UGT1A6: variants seen among roughly 807,000 people sequenced by gnomAD.
The protein encoded by UGT1A6 is UDP glucuronosyltransferase family 1 member A6.
In UGT1A6, 32 loss-of-function variants were observed where a neutral mutation model predicts 44.4. The ratio of observed to expected loss-of-function variants is 0.72; its 90% CI spans 0.54 to 0.97. The LOEUF is 0.97. Among genes scored for constraint, UGT1A6 ranks in the 50% least tolerant of loss-of-function variants. The pLI is 0.00. For missense variants in UGT1A6, 685 were observed against 661.9 expected (o/e 1.03, Z -0.38); for synonymous variants, 238 against 248.5 (o/e 0.96, Z 0.40).
At chr2:233,729,286 A>G (rs751108537) in intron 1 of UGT1A6, 2 of 1,614,248 alleles carry the variant, frequency 1.2e-6, no homozygotes, top group Non-Finnish European at 1.7e-6. Context: ...GCTCCATGCC[A>G]GAGGCCACCA....
intron 1 of UGT1A6, chr2:233,750,470 T>A (rs1412262508): frequency 6.6e-6 from 1 of 151,972 alleles, no homozygotes; most frequent in Non-Finnish European, 1.5e-5. Context: ...AAATACTGGC[T>A]ATAGAAATTT....
At chr2:233,722,921 C>G (rs1255779754) in intron 1 of UGT1A6, among the ~76,000 whole-genome samples, 1 of 128,932 alleles carries the variant, frequency 7.8e-6, no homozygotes, top group African/African-American at 2.9e-5. Flanking sequence ...GGTCTTCATC[C>G]TCATTGTCTC....
At chr2:233,724,459 C>T (rs1289269804) in intron 1 of UGT1A6, among the ~76,000 whole-genome samples, 3 of 125,990 alleles carry the variant, frequency 2.4e-5, no homozygotes, top group Non-Finnish European at 3.3e-5. Flanking sequence ...AGCTGCCGGG[C>T]GGAGGGGCTC....
At chr2:233,746,103 G>C (rs1465134401) in intron 1 of UGT1A6, among the ~76,000 whole-genome samples, 1 of 151,806 alleles carries the variant, frequency 6.6e-6, no homozygotes, top group Non-Finnish European at 1.5e-5. Flanking sequence ...CATGTCCAGA[G>C]TGCTTACTGT....
At chr2:233,730,125 A>G (rs2077990033) in intron 1 of UGT1A6, 5 of 1,544,888 alleles carry the variant, frequency 3.2e-6, no homozygotes, top group Non-Finnish European at 4.4e-6. Flanking sequence ...TTGTCATAAT[A>G]GCCTTCAGTG....
intron 1 of UGT1A6, chr2:233,754,501 CT>C (rs1695497975): frequency 2.8e-6 from 1 of 356,918 alleles, no homozygotes; most frequent in Non-Finnish European, 5.6e-6. Context: ...AAAAAGTCCG[CT>C]ATTCCTCCAG....
chr2:233,749,216 C>G lies in UGT1A6; in HGVS notation c.862-17818C>G, dbSNP rs1401762551. ...AACATAGGTATTATTGCCAAACACT[C>G]TAAGCTTCATTTTTTAAAATCAAAC... On this transcript the variant is annotated intron_variant, in intron 1 of 4. Coordinates refer to ENST00000305139, the MANE Select transcript of UGT1A6 (RefSeq NM_001072.4). Among the ~76,000 whole-genome samples, 5 of 151,786 alleles carry G rather than the reference C, an allele frequency of 3.3e-5. No homozygotes were observed. The East Asian group carries it at 5.8e-4, about 18-fold the overall frequency.
chr2:233,760,196 A>G, intron 1 of UGT1A6: 1 of 1,576,328 alleles, frequency 6.3e-7, no homozygotes, highest in Middle Eastern at 2.3e-4. Flanking sequence ...CACGTGACAC[A>G]GTCAAACATT....
rs1248862284 is a variant in UGT1A6, at chr2:233,768,128, C to G, written c.1082-92C>G. On this transcript the variant is annotated intron_variant, in intron 3 of 4. Transcript: ENST00000305139. ...TTTCTGCAAGGGCATGTGAGTAACA[C>G]TGAGTCTTTGGAGTGTTTTCAGAAC... 5 of 1,605,354 alleles carry G rather than the reference C, an allele frequency of 3.1e-6. No homozygotes were observed. In the East Asian group the frequency reaches 1.1e-4, roughly 36 times the overall value.
At chr2:233,760,770 C>T in intron 1 of UGT1A6, 2 of 1,614,054 alleles carry the variant, frequency 1.2e-6, no homozygotes, top group Non-Finnish European at 1.7e-6. Context: ...CCATCGTGGC[C>T]CAGTACCTGT....
At chr2:233,747,128 C>G (rs1346138562) in intron 1 of UGT1A6, 1 of 1,515,314 alleles carries the variant, frequency 6.6e-7, no homozygotes, top group Non-Finnish European at 8.9e-7. Context: ...CTAAGTGGCT[C>G]AGTGACAAGG....
At chr2:233,716,104 T>A (rs1411406439) in intron 1 of UGT1A6, among the ~76,000 whole-genome samples, 1 of 152,220 alleles carries the variant, frequency 6.6e-6, no homozygotes, top group Non-Finnish European at 1.5e-5. Flanking sequence ...TAACAGAAAT[T>A]TAGTTTTTCC....
At chr2:233,764,983 T>A (rs1575807741) in intron 1 of UGT1A6, among the ~76,000 whole-genome samples, 1 of 152,200 alleles carries the variant, frequency 6.6e-6, no homozygotes, top group East Asian at 1.9e-4. Flanking sequence ...GGTCAGTGTC[T>A]GGGGCTTTCC....
At chr2:233,703,813 C>A (rs1224901765) in intron 1 of UGT1A6, among the ~76,000 whole-genome samples, 1 of 146,756 alleles carries the variant, frequency 6.8e-6, no homozygotes, top group Non-Finnish European at 1.5e-5. Context: ...TAATCTCTGT[C>A]TTTTAATTGA....
intron 1 of UGT1A6, chr2:233,741,566 A>C (rs1338597407): frequency 6.6e-6 from 1 of 151,914 alleles, no homozygotes; most frequent in Non-Finnish European, 1.5e-5. Flanking sequence ...TTGTATGAGA[A>C]TCAACTACCC....
At position 233,767,903 on chromosome 2, in the gene UGT1A6, CTTG is replaced by C; in HGVS notation, c.1051_1053del (p.Val351del). On this transcript the variant is annotated inframe_deletion, in exon 3 of 5. Coordinates refer to ENST00000305139, the MANE Select transcript of UGT1A6 (RefSeq NM_001072.4). ...ATCGAATCTTGCGAACAACACGATA[CTTG>C]TTAAGTGGCTACCCCAAAACGATCT... 1 of 1,614,178 alleles carries C rather than the reference CTTG, an allele frequency of 6.2e-7. No individual in the cohort carries two copies.
At chr2:233,743,710 G>A (rs199592554) in intron 1 of UGT1A6, 114 of 1,367,318 alleles carry the variant, frequency 8.3e-5, no homozygotes, top group East Asian at 1.8e-4. Context: ...CCCCCGCCTC[G>A]CCATAGCGGT....
At chr2:233,742,982 A>G (rs555126231) in intron 1 of UGT1A6, 1 of 227,728 alleles carries the variant, frequency 4.4e-6, no homozygotes, top group South Asian at 6.4e-5. Context: ...TAAGTTTAAT[A>G]AATAGCAAAT....
intron 1 of UGT1A6, among the ~76,000 whole-genome samples, chr2:233,762,455 C>T (rs960271633): frequency 3.9e-5 from 6 of 152,100 alleles, no homozygotes; most frequent in Admixed American, 6.5e-5. Flanking sequence ...GCCCACTTAC[C>T]GATAATGTCA....
Sources: allele counts gnomAD v4.1 joint callset (sites outside exome capture counted in the v4.1 genomes callset), GRCh38; gene constraint gnomAD v4.1.1; transcripts MANE v1.5; gene names NCBI Gene and HGNC (gene_info 2026-07-23, HGNC 2026-07-21).